Variants in TTC28 observed in about 807,000 individuals in gnomAD.
The protein encoded by TTC28 is tetratricopeptide repeat protein 28.
A neutral mutation model predicts 198.0 loss-of-function variants in TTC28; 61 were observed. The observed-to-expected ratio is 0.31, with a 90% CI of 0.25 to 0.38. The LOEUF (loss-of-function observed/expected upper bound fraction) is 0.38, where lower values mean the gene tolerates loss of function less well. Ranked by LOEUF, TTC28 falls within the 10% of genes least tolerant of loss-of-function variation. The pLI is 1.00. For synonymous variants in TTC28, 1,171 were observed against 1,297.8 expected (o/e 0.90, Z 2.10); for missense variants, 2,678 against 3,164.0 (o/e 0.85, Z 3.69).
intron 1 of TTC28, among the ~76,000 whole-genome samples, chr22:28,679,380 C>T (rs1213785275): frequency 6.6e-6 from 1 of 152,164 alleles, no homozygotes; most frequent in Admixed American, 6.5e-5. Context: ...CCGGTGTGCG[C>T]AGGCCAACAC....
chr22:28,450,052 G>T (rs1303785733), intron 2 of TTC28, among the ~76,000 whole-genome samples: 1 of 152,162 alleles, frequency 6.6e-6, no homozygotes, highest in Middle Eastern at 3.2e-3. Context: ...ACAGGGATGT[G>T]AAGTTAAGTA....
At chr22:28,381,766 T>G (rs754973518) in intron 2 of TTC28, among the ~76,000 whole-genome samples, 4 of 152,192 alleles carry the variant, frequency 2.6e-5, no homozygotes, top group Admixed American at 6.5e-5. Context: ...ATGTTAATAC[T>G]GTTCTTCTGC....
At chr22:28,080,159 T>C (rs1356832580) in intron 12 of TTC28, among the ~76,000 whole-genome samples, 1 of 152,238 alleles carries the variant, frequency 6.6e-6, no homozygotes, top group East Asian at 1.9e-4. Flanking sequence ...GCAATGAATA[T>C]GTGTGCCAAT....
Position 28,370,936 on chromosome 22 carries a change from G to A in TTC28, c.382-64293C>T, listed in dbSNP as rs143351040. Reference sequence around the variant, plus strand: ...ATCCAACTTTTAAAGAATATCCCCAGGTGATTCAGGTGCACTTTAAAGTTT... The same window carrying A: ...ATCCAACTTTTAAAGAATATCCCCAAGTGATTCAGGTGCACTTTAAAGTTT... On this transcript the variant is annotated intron_variant, in intron 2 of 22. Transcript: ENST00000397906. 3.5e-3 allele frequency among the ~76,000 whole-genome samples: 534 copies of A among 152,248 alleles called. 9 individuals are homozygous for A. Among genetic ancestry groups the A allele is most frequent in the Admixed American group, 0.028 (424 of 15,286 alleles).
chr22:28,383,377 C>A (rs949046114), intron 2 of TTC28, among the ~76,000 whole-genome samples: 2 of 152,248 alleles, frequency 1.3e-5, no homozygotes, highest in Middle Eastern at 3.4e-3. Context: ...GTCCCCTCAC[C>A]CATTTCTACT....
intron 2 of TTC28, among the ~76,000 whole-genome samples, chr22:28,373,212 GATAAAAAT>G (rs1251537060): frequency 2.0e-5 from 3 of 149,788 alleles, no homozygotes. Context: ...ATAGAGAGGA[GATAAAAAT>G]ATAAGGAAGG....
At chr22:28,417,378 A>C (rs2047183551) in intron 2 of TTC28, among the ~76,000 whole-genome samples, 1 of 151,492 alleles carries the variant, frequency 6.6e-6, no homozygotes, top group Non-Finnish European at 1.5e-5. Flanking sequence ...GGGAGGCTGA[A>C]GCAGGAGGAT....
intron 5 of TTC28, among the ~76,000 whole-genome samples, chr22:28,185,930 T>G (rs1189702198): frequency 2.0e-5 from 3 of 152,156 alleles, no homozygotes; most frequent in African/African-American, 7.2e-5. Flanking sequence ...TCCATCATAT[T>G]GCACTCCTTC....
At chr22:28,163,723 C>T (rs1484315084) in intron 5 of TTC28, 124 bp from the exon 6 acceptor site, 3 of 1,065,342 alleles carry the variant, frequency 2.8e-6, no homozygotes, top group African/African-American at 3.2e-5. Flanking sequence ...CTACAGCTCC[C>T]AGCGTGAGTG....
rs144436231 is a variant in TTC28, at chr22:28,146,303, G to C, written c.1441+16789C>G. ...TTACGCAGAATACCAGAGCCACAGG[G>C]GAGAACGATCATGAAAACGCTTAGT... On this transcript the variant is annotated intron_variant, in intron 6 of 22. Coordinates refer to ENST00000397906, the MANE Select transcript of TTC28 (RefSeq NM_001145418.2). Among the ~76,000 whole-genome samples the C allele has an allele frequency of 1.6e-3, 240 of 152,266 alleles. 4 individuals carry two copies. Among genetic ancestry groups the C allele is most frequent in the South Asian group, 9.3e-3 (45 of 4,832 alleles).
chr22:28,094,215 C>T lies in TTC28; in HGVS notation c.3797G>A (p.Gly1266Asp). The part of the protein sequence containing the change: ...GIVKFHEHYL[G>D]ENTVENSSDF... ...ACTTGAGTTTTCCACTGTGTTCTCA[C>T]CCAGGTAGTGTTCATGAAACTTCAC... is the stretch of plus-strand genomic sequence containing the variant. Residue 1266 changes from glycine to aspartate, a missense_variant, in exon 12 of 23, where the codon GGT becomes GAT. Transcript: ENST00000397906. 1.3e-6 allele frequency: 2 copies of T among 1,549,696 alleles called. No individual in the cohort carries two copies. Among genetic ancestry groups the T allele is most frequent in the Non-Finnish European group, 1.7e-6 (2 of 1,146,398 alleles).
intron 5 of TTC28, among the ~76,000 whole-genome samples, chr22:28,222,466 A>G (rs134173): frequency 0.52 from 79,222 of 152,084 alleles, 20,957 homozygotes; most frequent in Admixed American, 0.6. Context: ...AGCTACAGTA[A>G]AAGTATTTCC....
At chr22:28,412,589 T>G (rs1236820908) in intron 2 of TTC28, among the ~76,000 whole-genome samples, 2 of 152,214 alleles carry the variant, frequency 1.3e-5, no homozygotes. Flanking sequence ...ATATGCCAGG[T>G]GTTTTCACAA....
At chr22:28,311,177 T>C (rs943009348) in intron 2 of TTC28, among the ~76,000 whole-genome samples, 4 of 150,686 alleles carry the variant, frequency 2.7e-5, no homozygotes, top group Non-Finnish European at 4.4e-5. Context: ...TTTTATAGCT[T>C]CTAGTGAATA....
At chr22:28,037,029 C>G (rs1052714811) in intron 12 of TTC28, among the ~76,000 whole-genome samples, 1 of 152,166 alleles carries the variant, frequency 6.6e-6, no homozygotes, top group African/African-American at 2.4e-5. Flanking sequence ...TAATTAATAG[C>G]TTACCAACCA....
intron 13 of TTC28, among the ~76,000 whole-genome samples, chr22:28,017,235 C>T (rs1382881792): frequency 1.3e-5 from 2 of 152,188 alleles, no homozygotes; most frequent in South Asian, 2.1e-4. Context: ...CAAGTGCTAA[C>T]GGCGGTGGCA....
At chr22:28,040,860 C>T (rs1939601381) in intron 12 of TTC28, among the ~76,000 whole-genome samples, 1 of 152,124 alleles carries the variant, frequency 6.6e-6, no homozygotes, top group South Asian at 2.1e-4. Flanking sequence ...CCAAAATTTC[C>T]TTAAGCTGAT....
chr22:28,190,661 A>G (rs1924645024), intron 5 of TTC28, among the ~76,000 whole-genome samples: 1 of 152,206 alleles, frequency 6.6e-6, no homozygotes, highest in South Asian at 2.1e-4. Flanking sequence ...CAGATCTGAC[A>G]ACTCTGACCC....
chr22:28,579,974 C>CA (rs1027286368), intron 2 of TTC28, among the ~76,000 whole-genome samples: 7 of 149,792 alleles, frequency 4.7e-5, no homozygotes, highest in African/African-American at 7.4e-5. Context: ...TGTCTCAAAA[C>CA]AAAAAAAAAT....
Sources: gnomAD v4.1 joint callset for allele counts (sites outside exome capture counted in the v4.1 genomes callset) on GRCh38, gnomAD v4.1.1 for gene constraint, MANE v1.5 for transcripts, NCBI Gene and HGNC (gene_info 2026-07-23, HGNC 2026-07-21) for gene names.